The following ESR1 variants were observed in gnomAD, a reference collection of about 807,000 sequenced individuals.
ESR1 encodes the protein estrogen receptor 1.
ESR1 carries 12 observed loss-of-function variants against 52.7 expected under a neutral mutation model. The observed-to-expected ratio is 0.23, with a 90% CI of 0.15 to 0.37. The LOEUF is 0.37. Among genes scored for constraint, ESR1 ranks in the 10% least tolerant of loss-of-function variants. ESR1 has a pLI of 1.00. For synonymous variants in ESR1, 305 were observed against 316.8 expected, an observed-to-expected ratio of 0.96 and a Z score of 0.39; for missense variants, 584 against 779.7, an observed-to-expected ratio of 0.75 and a Z score of 2.99.
In ESR1 at chr6:152,016,889, G is replaced by C. The variant is rs115055261; in HGVS notation, c.1235+5095G>C. Among the ~76,000 whole-genome samples the C allele has an allele frequency of 8.5e-4, 130 of 152,182 alleles. 1 individual carries two copies. The highest frequency in any genetic ancestry group is 2.9e-3 in the African/African-American group (122 of 41,502). ...GCTGTTTTCATTTGCGTAGAAATAG[G>C]GGGGAAAGATAGCTTGAAGTCATCA... On this transcript the variant is annotated intron_variant, in intron 5 of 7. Transcript: ENST00000206249.
intron 2 of ESR1, among the ~76,000 whole-genome samples, chr6:151,711,359 C>G (rs986404656): frequency 2.0e-5 from 3 of 152,036 alleles, no homozygotes; most frequent in Non-Finnish European, 4.4e-5. Context: ...GTAGCTGGGA[C>G]TACAGGCGCC....
At chr6:151,723,495 T>C (rs1781607587) in intron 2 of ESR1, among the ~76,000 whole-genome samples, 1 of 152,178 alleles carries the variant, frequency 6.6e-6, no homozygotes, top group Admixed American at 6.5e-5. Context: ...CTTTACTAAA[T>C]GGAAGAAGGT....
At chr6:152,117,309 CA>C (rs1485691367) in intron 6 of ESR1, among the ~76,000 whole-genome samples, 1 of 152,210 alleles carries the variant, frequency 6.6e-6, no homozygotes, top group Non-Finnish European at 1.5e-5. Flanking sequence ...AGCCCAACAA[CA>C]GCTCCAAGAA....
At chr6:152,127,703 G>A (rs1219584756) in exon 7 of ESR1, 1 of 152,154 alleles carries the variant, frequency 6.6e-6, no homozygotes, top group Non-Finnish European at 1.5e-5. Flanking sequence ...CCTTAGAGGG[G>A]AGAGGCTCTG....
intron 5 of ESR1, among the ~76,000 whole-genome samples, chr6:152,016,199 CCTCAGCCA>C (rs2043157985): frequency 6.6e-6 from 1 of 152,132 alleles, no homozygotes; most frequent in South Asian, 2.1e-4. Flanking sequence ...TATGAGGCCT[CCTCAGCCA>C]TGTGGAACTC....
At chr6:152,048,327 C>T (rs2046396716) in intron 5 of ESR1, among the ~76,000 whole-genome samples, 3 of 145,476 alleles carry the variant, frequency 2.1e-5, no homozygotes, top group Admixed American at 7.0e-5. Context: ...CGCACCTCTG[C>T]ACTCCAGCCT....
chr6:151,791,044 A>G (rs1167161022), intron 2 of ESR1, among the ~76,000 whole-genome samples: 1 of 152,182 alleles, frequency 6.6e-6, no homozygotes, highest in Admixed American at 6.5e-5. Context: ...GAATCATTGC[A>G]TCTGGTCATG....
chr6:151,954,053 C>T (rs1370870850), intron 4 of ESR1, among the ~76,000 whole-genome samples: 12 of 152,088 alleles, frequency 7.9e-5, no homozygotes, highest in African/African-American at 2.2e-4. Context: ...TTCTTGCTAG[C>T]GTGAACTAAA....
upstream of ESR1, among the ~76,000 whole-genome samples, chr6:151,803,546 G>A (rs1046004801): frequency 1.3e-5 from 2 of 152,112 alleles, no homozygotes; most frequent in African/African-American, 4.8e-5. Flanking sequence ...GGGAAGCTAT[G>A]ATTTGGGTTA....
chr6:151,721,370 G>A (rs1413044916), intron 2 of ESR1, among the ~76,000 whole-genome samples: 4 of 152,126 alleles, frequency 2.6e-5, no homozygotes, highest in Non-Finnish European at 5.9e-5. Context: ...GGTATGAACT[G>A]TCAGGCTACT....
At chr6:151,688,272 T>C (rs1428601994), upstream of ESR1, among the ~76,000 whole-genome samples, 1 of 152,218 alleles carries the variant, frequency 6.6e-6, no homozygotes, top group Non-Finnish European at 1.5e-5. Flanking sequence ...CAGTTTCCTC[T>C]CATGACACAT....
At chr6:151,692,856 G>A (rs1779051298) in intron 1 of ESR1, among the ~76,000 whole-genome samples, 1 of 152,178 alleles carries the variant, frequency 6.6e-6, no homozygotes, top group African/African-American at 2.4e-5. Flanking sequence ...TTCTTTCGGA[G>A]AATGAAGGGG....
intron 3 of ESR1, among the ~76,000 whole-genome samples, chr6:151,883,612 T>C (rs1370431890): frequency 6.6e-6 from 1 of 152,078 alleles, no homozygotes; most frequent in East Asian, 1.9e-4. Context: ...TTTCCAAATA[T>C]AGTCATACCA....
rs532999343 is a variant in ESR1, at chr6:151,876,786, C to A, written c.644-3869C>A. 4.1e-3 allele frequency among the ~76,000 whole-genome samples: 627 copies of A among 152,266 alleles called. 5 individuals carry two copies. Among genetic ancestry groups the A allele is most frequent in the African/African-American group, 0.014 (599 of 41,544 alleles). ...TTCCTGCCAGTCAAACCTTAGATTCCTCCAGAGGCTTTTTATTTTTATCTT... is the reference window on the plus strand; with the variant it reads ...TTCCTGCCAGTCAAACCTTAGATTCATCCAGAGGCTTTTTATTTTTATCTT... On this transcript the variant is annotated intron_variant, in intron 2 of 7. Transcript: ENST00000206249.
chr6:151,735,108 T>C (rs1465291155), intron 2 of ESR1, among the ~76,000 whole-genome samples: 5 of 152,198 alleles, frequency 3.3e-5, no homozygotes, highest in African/African-American at 4.8e-5. Flanking sequence ...ATGCTATCTT[T>C]CATGGCTGTG....
At chr6:151,778,562 T>C (rs528392315) in intron 2 of ESR1, among the ~76,000 whole-genome samples, 3 of 152,182 alleles carry the variant, frequency 2.0e-5, no homozygotes, top group Non-Finnish European at 2.9e-5. Flanking sequence ...TGTGCCACCA[T>C]GCCTGGCTAA....
intron 3 of ESR1, among the ~76,000 whole-genome samples, chr6:151,943,355 G>C (rs2035318159): frequency 6.6e-6 from 1 of 151,436 alleles, no homozygotes; most frequent in Admixed American, 6.6e-5. Flanking sequence ...ACTCCAGCCT[G>C]GGTGACACAG....
intron 2 of ESR1, among the ~76,000 whole-genome samples, chr6:151,772,603 G>C (rs1053749262): frequency 6.6e-6 from 1 of 152,206 alleles, no homozygotes; most frequent in Non-Finnish European, 1.5e-5. Flanking sequence ...GGAGCTTTGA[G>C]TGCAGTGAGG....
intron 2 of ESR1, among the ~76,000 whole-genome samples, chr6:151,797,805 A>C (rs1411358010): frequency 6.6e-6 from 1 of 152,264 alleles, no homozygotes; most frequent in African/African-American, 2.4e-5. Flanking sequence ...AGAAAGGAGC[A>C]GAATATGCTT....
Sources: allele counts gnomAD v4.1 joint callset (sites outside exome capture counted in the v4.1 genomes callset), GRCh38; gene constraint gnomAD v4.1.1; transcripts MANE v1.5; gene names NCBI Gene and HGNC (gene_info 2026-07-23, HGNC 2026-07-21).